PTPRB: variants seen among roughly 807,000 people sequenced by gnomAD.
PTPRB encodes receptor-type tyrosine-protein phosphatase beta.
Under a neutral mutation model 238.1 loss-of-function variants are expected in PTPRB, and 97 were observed. That is an observed-to-expected ratio of 0.41 (90% CI 0.35 to 0.48). PTPRB has a LOEUF of 0.48. Among genes scored for constraint, PTPRB ranks in the 20% least tolerant of loss-of-function variants. PTPRB has a pLI of 0.30. For missense variants in PTPRB, 2,292 were observed against 2,681.9 expected, an observed-to-expected ratio of 0.85 and a Z score of 3.21; for synonymous variants, 970 against 995.4, an observed-to-expected ratio of 0.97 and a Z score of 0.48.
intron 4 of PTPRB, among the ~76,000 whole-genome samples, chr12:70,604,256 A>G (rs1051092091): frequency 6.6e-6 from 1 of 152,230 alleles, no homozygotes; most frequent in Non-Finnish European, 1.5e-5. Context: ...AATTAAAAAA[A>G]TAAAATAAAA....
Position 70,518,502 on chromosome 12 carries a change from G to A in PTPRB, c.*2987C>T, listed in dbSNP as rs530674419. On this transcript the variant is annotated 3_prime_UTR_variant, in exon 34 of 34. Coordinates refer to ENST00000334414, the MANE Select transcript of PTPRB (RefSeq NM_001109754.4). Reference sequence around the variant, plus strand: ...AAGGACTATGAAATTATACTCATGGGTATAAAAGATAATATGAACAGTAGA... The same window carrying A: ...AAGGACTATGAAATTATACTCATGGATATAAAAGATAATATGAACAGTAGA... The A allele has an allele frequency of 6.6e-6, 1 of 152,230 alleles. No individual in the cohort carries two copies. Among genetic ancestry groups the A allele is most frequent in the Admixed American group, 6.5e-5 (1 of 15,286 alleles). The allele number at this position is 152,230 out of a possible 1,614,324, so 9.4% of individuals were successfully genotyped here.
At chr12:70,523,864 G>GC (rs765034519) in intron 33 of PTPRB, among the ~76,000 whole-genome samples, 7 of 151,864 alleles carry the variant, frequency 4.6e-5, no homozygotes, top group Non-Finnish European at 1.0e-4. Context: ...TGCCCAGTCT[G>GC]GAGTGCAGTG....
intron 20 of PTPRB, among the ~76,000 whole-genome samples, chr12:70,554,523 G>A (rs1877359437): frequency 6.6e-6 from 1 of 152,180 alleles, no homozygotes; most frequent in Non-Finnish European, 1.5e-5. Flanking sequence ...GGTTGTATGT[G>A]ATGTTGTGAT....
In PTPRB at chr12:70,576,467, G is replaced by A. The variant is rs781508031; in HGVS notation, c.2757C>T (p.Ser919=). 1.9e-6 allele frequency: 3 copies of A among 1,594,752 alleles called. No homozygotes were observed. The highest frequency in any genetic ancestry group is 2.6e-6 in the Non-Finnish European group (3 of 1,169,718). Residue 919 remains serine, a synonymous_variant, in exon 11 of 34, where the codon TCC becomes TCT. Transcript: ENST00000334414. The stretch of plus-strand genomic sequence containing the variant: ...CGGTGTAGAGGCGGCCTGGGGTGAG[G>A]GAGCTGAAGGAACATTCTCTGACAG... ...AKSVRECSFS[S]LTPGRLYTVT... is the part of the protein sequence containing the mutation.
intron 15 of PTPRB, 43 bp from the exon 16 acceptor site, chr12:70,563,150 G>C: frequency 6.4e-7 from 1 of 1,552,294 alleles, no homozygotes; most frequent in East Asian, 2.3e-5. Flanking sequence ...GGGAAATGCA[G>C]TGAGGAGAAG....
Position 70,544,644 on chromosome 12 carries a change from TA to T in PTPRB, c.5406del (p.Phe1802LeufsTer9). Reference protein sequence around the residue: ...HTAYRISIRAFTQLFDEDLKE... With the variant: ...HTAYRISIRAXTQLFDEDLKE... ...TTCAGGTCCTCATCAAAGAGCTGTG[TA>T]AAAGCTCGAATGCTGATTCTGAAAA... On this transcript the variant is annotated frameshift_variant, in exon 22 of 34. Transcript: ENST00000334414. LOFTEE classifies it high-confidence loss of function. The T allele has an allele frequency of 6.3e-7, 1 of 1,586,544 alleles. No homozygotes were observed. Among genetic ancestry groups the T allele is most frequent in the Non-Finnish European group, 8.5e-7 (1 of 1,171,338 alleles).
At chr12:70,535,043 A>AGTT (rs1336532962) in intron 29 of PTPRB, 88 bp from the exon 30 acceptor site, 101 of 1,449,898 alleles carry the variant, frequency 7.0e-5, no homozygotes, top group Non-Finnish European at 8.8e-5. Flanking sequence ...TGTCTTCCAA[A>AGTT]GTTAGGAATC....
intron 4 of PTPRB, among the ~76,000 whole-genome samples, chr12:70,598,115 C>A (rs1254447498): frequency 6.6e-6 from 1 of 152,164 alleles, no homozygotes; most frequent in Non-Finnish European, 1.5e-5. Flanking sequence ...CACAGCACAG[C>A]CCTTTGGTTC....
intron 14 of PTPRB, among the ~76,000 whole-genome samples, chr12:70,569,088 A>AATTT (rs946524974): frequency 3.9e-5 from 6 of 152,002 alleles, no homozygotes; most frequent in Middle Eastern, 3.4e-3. Context: ...TCCTTATTAA[A>AATTT]ATTTATTTAT....
intron 10 of PTPRB, 42 bp from the exon 11 acceptor site, chr12:70,576,687 G>GA: frequency 2.8e-6 from 1 of 352,100 alleles, no homozygotes; most frequent in South Asian, 2.4e-5. Context: ...GGGGGGAAGG[G>GA]GGATTCAAAA....
chr12:70,609,358 C>A lies in PTPRB; in HGVS notation c.709-19G>T. On this transcript the variant is annotated intron_variant, in intron 3 of 33. Coordinates refer to ENST00000334414, the MANE Select transcript of PTPRB (RefSeq NM_001109754.4). ...GTCCAGTCTGCAAAGGAATCAGACA[C>A]AACAGTTTAAGTCCACAGTCTGGAC... 1 of 1,610,808 alleles carries A rather than the reference C, an allele frequency of 6.2e-7. No homozygotes were observed. Among genetic ancestry groups the A allele is most frequent in the Non-Finnish European group, 8.5e-7 (1 of 1,178,492 alleles).
chr12:70,594,829 TCTTAA>T lies in PTPRB; in HGVS notation c.1259-110_1259-106del. ...ATATTCATTTGTGTTCCTCTGTACA[TCTTAA>T]CTTGATAATAGCATTAGTAAATAAC... is the stretch of plus-strand genomic sequence containing the variant. On this transcript the variant is annotated intron_variant, in intron 5 of 33. Coordinates refer to ENST00000334414, the MANE Select transcript of PTPRB (RefSeq NM_001109754.4). 2.2e-6 allele frequency: 3 copies of T among 1,355,596 alleles called. No individual in the cohort carries two copies. In the South Asian group the frequency reaches 4.2e-5, roughly 19 times the overall value. The allele number at this position is 1,355,596 out of a possible 1,614,324, so 84.0% of individuals were successfully genotyped here.
intron 2 of PTPRB, among the ~76,000 whole-genome samples, chr12:70,633,318 T>C (rs1224151255): frequency 6.6e-6 from 1 of 152,176 alleles, no homozygotes; most frequent in Non-Finnish European, 1.5e-5. Flanking sequence ...TTCATGCCTG[T>C]AATCCCAGTA....
rs368613000 is a variant in PTPRB at position 70,609,061 on chromosome 12, T to C, written c.979+8A>G. ...CTTGGCCATCCAATTGCACCTGTCA[T>C]CCTTTACCTGTTTGCAAGACCACTG... On this transcript the variant is annotated splice_region_variant and intron_variant, in intron 4 of 33. Transcript: ENST00000334414. 1 of 1,613,768 alleles carries C rather than the reference T, an allele frequency of 6.2e-7. No homozygotes were observed. Among genetic ancestry groups the C allele is most frequent in the Admixed American group, 1.7e-5 (1 of 60,014 alleles).
In PTPRB at chr12:70,587,229, T is replaced by C. The variant is rs1271832333; in HGVS notation, c.2089A>G (p.Asn697Asp). ...CACATGATACTCAGTGAGGTTTCAT[T>C]GGCATGTTTGACACGAAGCTGGAGG... is the stretch of plus-strand genomic sequence containing the variant. ...AVLQLRVKHA[N>D]ETSLSIMWQT... Residue 697 changes from asparagine to aspartate, a missense_variant, in exon 9 of 34, where the codon AAT (asparagine) becomes GAT (aspartate). Asn to Asp is a conservative substitution (Grantham distance 23). Around this residue, in one of 4 missense-constraint regions of PTPRB, gnomAD observed 1,205 missense variants for 1,287.8 expected, o/e 0.94. Coordinates refer to ENST00000334414, the MANE Select transcript of PTPRB (RefSeq NM_001109754.4). 8.1e-6 allele frequency: 13 copies of C among 1,613,746 alleles called. No individual in the cohort carries two copies. The highest frequency in any genetic ancestry group is 1.3e-5 in the African/African-American group (1 of 74,904).
At position 70,550,355 on chromosome 12, in the gene PTPRB, C is replaced by T. The variant is rs757732574; in HGVS notation, c.5387+2422G>A. On this transcript the variant is annotated intron_variant, in intron 21 of 33. Transcript: ENST00000334414. The stretch of plus-strand genomic sequence containing the variant: ...AGGAGTAGCAAGAGAGCAGTGGGTA[C>T]TTGGAGCAAATACGATTGGAGACAA... 3.9e-5 allele frequency among the ~76,000 whole-genome samples: 6 copies of T among 152,174 alleles called. No homozygotes were observed. In the South Asian group the frequency reaches 1.2e-3, roughly 31 times the overall value.
rs1318541377 is a variant in PTPRB at position 70,517,488 on chromosome 12, TAGC to T, written c.*3998_*4000del. 1 of 152,220 alleles carries T rather than the reference TAGC, an allele frequency of 6.6e-6. No homozygotes were observed. The highest frequency in any genetic ancestry group is 1.5e-5 in the Non-Finnish European group (1 of 68,036). The allele number at this position is 152,220 out of a possible 1,614,324, so 9.4% of individuals were successfully genotyped here. A position where few individuals can be genotyped will look rare whatever the true frequency, so the allele number is the denominator to read the frequency against. Reference sequence around the variant, plus strand: ...GTAATTCTAAATTTCAGGTTAAAAATAGCAGGGCAGAAAATTAGCACGGCATTT... The same window carrying T: ...GTAATTCTAAATTTCAGGTTAAAAATAGGGCAGAAAATTAGCACGGCATTT... On this transcript the variant is annotated 3_prime_UTR_variant, in exon 34 of 34. Transcript: ENST00000334414.
At chr12:70,574,271 AC>A (rs1477821062) in intron 11 of PTPRB, among the ~76,000 whole-genome samples, 5 of 152,134 alleles carry the variant, frequency 3.3e-5, no homozygotes, top group African/African-American at 9.7e-5. Context: ...ATTTTCTCAC[AC>A]CTGCAAGTTG....
intron 21 of PTPRB, among the ~76,000 whole-genome samples, chr12:70,549,192 A>G (rs1027469878): frequency 2.6e-5 from 4 of 152,236 alleles, no homozygotes; most frequent in Non-Finnish European, 4.4e-5. Context: ...ATAACAAGAC[A>G]CTATTTTTAA....
Sources: allele counts gnomAD v4.1 joint callset (sites outside exome capture counted in the v4.1 genomes callset), GRCh38; gene constraint gnomAD v4.1.1; regional missense constraint gnomAD v4.1.1; transcripts MANE v1.5; gene names NCBI Gene and HGNC (gene_info 2026-07-23, HGNC 2026-07-21).